The following LMBR1L variants were observed in gnomAD, a reference collection of about 807,000 sequenced individuals.
LMBR1L encodes limb development membrane protein 1 like.
LMBR1L carries 47 observed loss-of-function variants against 67.3 expected under a neutral mutation model. The observed-to-expected ratio is 0.70, with a 90% CI of 0.55 to 0.89. The LOEUF (loss-of-function observed/expected upper bound fraction) is 0.89, where lower values mean the gene tolerates loss of function less well. Among genes scored for constraint, LMBR1L ranks in the 40% least tolerant of loss-of-function variants. The probability of loss-of-function intolerance (pLI) is 0.00; values close to 1 mark genes in which losing one functional copy is unlikely to be tolerated. For synonymous variants in LMBR1L, 247 were observed against 250.3 expected (o/e 0.99, Z 0.13); for missense variants, 533 against 599.2 (o/e 0.89, Z 1.15).
At position 49,102,510 on chromosome 12, in the gene LMBR1L, A is replaced by G; in HGVS notation, c.727T>C (p.Cys243Arg). The change falls in exon 9 of 17, where the codon TGC becomes CGC. Residue 243 changes from cysteine to arginine, a missense_variant. Cys to Arg is a radical substitution (Grantham distance 180, BLOSUM62 -3). Transcript: ENST00000267102. ...AGGGCTGCCTCCTCAAAGGCTGAGCAGTACAGCTGCTCCTCCAGGTCTTCC... is the reference window on the plus strand; with the variant it reads ...AGGGCTGCCTCCTCAAAGGCTGAGCGGTACAGCTGCTCCTCCAGGTCTTCC... ...LLEDLEEQLY[C>R]SAFEEAALTR... 1.2e-6 allele frequency: 2 copies of G among 1,614,168 alleles called. No homozygotes were observed.
intron 15 of LMBR1L, among the ~76,000 whole-genome samples, chr12:49,098,482 C>G (rs184895017): frequency 2.0e-5 from 3 of 152,288 alleles, no homozygotes; most frequent in Admixed American, 2.0e-4. Context: ...TGCTTTGGTT[C>G]ATATCCCAAC....
Position 49,102,877 on chromosome 12 carries a change from T to A in LMBR1L, c.696+10A>T. 1 of 1,613,592 alleles carries A rather than the reference T, an allele frequency of 6.2e-7. No individual in the cohort carries two copies. The highest frequency in any genetic ancestry group is 8.5e-7 in the Non-Finnish European group (1 of 1,179,550). On this transcript the variant is annotated intron_variant, in intron 8 of 16. Coordinates refer to ENST00000267102, the MANE Select transcript of LMBR1L (RefSeq NM_018113.4). ...CCCTGCAGGATCAAAGAGCAAGGAA[T>A]ACCACATACCCGGGGCTTGACTAGC...
intron 3 of LMBR1L, 197 bp from the exon 4 acceptor site, chr12:49,105,082 G>A (rs929167937): frequency 6.7e-6 from 4 of 593,742 alleles, no homozygotes; most frequent in Non-Finnish European, 1.2e-5. Flanking sequence ...GGAAGCCCCA[G>A]CTCATGGGAT....
chr12:49,101,262 AC>A lies in LMBR1L; in HGVS notation c.1069del (p.Val357LeufsTer7), dbSNP rs774357681. ...KLGSFGAVIQVVLIFYLMVSS... is the reference protein window; with the variant it reads ...KLGSFGAVIQXVLIFYLMVSS... ...TCCAGAAGGATACAAGATGAGTACA[AC>A]CTGAATGACGGCACCAAAGGAGCCC... On this transcript the variant is annotated frameshift_variant, in exon 13 of 17. Coordinates refer to ENST00000267102, the MANE Select transcript of LMBR1L (RefSeq NM_018113.4). LOFTEE classifies it high-confidence loss of function. The A allele has an allele frequency of 3.3e-5, 53 of 1,614,140 alleles. No individual in the cohort carries two copies. The highest frequency in any genetic ancestry group is 4.0e-5 in the Non-Finnish European group (47 of 1,180,024).
rs779058769 is a variant in LMBR1L at position 49,097,636 on chromosome 12, G to A, written c.*36C>T. On this transcript the variant is annotated 3_prime_UTR_variant, in exon 17 of 17. Coordinates refer to ENST00000267102, the MANE Select transcript of LMBR1L (RefSeq NM_018113.4). ...CTCCAGGCCTAGGCAGCAGATGGCA[G>A]TGTCCAGTTTTTTCCTTCCCACCCC... 44 of 1,602,778 alleles carry A rather than the reference G, an allele frequency of 2.7e-5. 2 individuals are homozygous for A. The South Asian group carries it at 4.6e-4, about 17-fold the overall frequency.
intron 16 of LMBR1L, 95 bp from the exon 17 acceptor site, chr12:49,097,834 T>A: frequency 6.3e-7 from 1 of 1,597,584 alleles, no homozygotes; most frequent in East Asian, 2.2e-5. Flanking sequence ...ATGAGGTACG[T>A]TACCCACAAA....
At chr12:49,106,575 G>C in intron 2 of LMBR1L, 1 of 1,316,730 alleles carries the variant, frequency 7.6e-7, no homozygotes. Context: ...GAGGTCTCTG[G>C]TCCTGGCTGT....
At chr12:49,100,356 C>T in intron 15 of LMBR1L, 32 bp downstream of exon 15, 2 of 1,580,046 alleles carry the variant, frequency 1.3e-6, no homozygotes, top group South Asian at 1.1e-5. Flanking sequence ...CAAAAAAATC[C>T]AATTCCTTTA....
chr12:49,110,603 G>C lies in LMBR1L; in HGVS notation c.-48C>G, dbSNP rs370248735. On this transcript the variant is annotated 5_prime_UTR_variant, in exon 1 of 17. Coordinates refer to ENST00000267102, the MANE Select transcript of LMBR1L (RefSeq NM_018113.4). ...CCGAGGTGCCTCTGGGCCCGGGGAG[G>C]ACGAGCGGGGAGGAAGCCGCCGCCG... 1.9e-6 allele frequency: 3 copies of C among 1,568,782 alleles called. No homozygotes were observed. Among genetic ancestry groups the C allele is most frequent in the Non-Finnish European group, 2.6e-6 (3 of 1,139,714 alleles).
rs1315722794 is a variant in LMBR1L, at chr12:49,102,541, C to G, written c.697-1G>C. 2 of 1,614,036 alleles carry G rather than the reference C, an allele frequency of 1.2e-6. No homozygotes were observed. Among genetic ancestry groups the G allele is most frequent in the South Asian group, 2.2e-5 (2 of 91,082 alleles). ...GCTGCTCCTCCAGGTCTTCCAGCAGCTAGGGGCAGGGGAAAGGAAGAGACT... is the reference window on the plus strand; with the variant it reads ...GCTGCTCCTCCAGGTCTTCCAGCAGGTAGGGGCAGGGGAAAGGAAGAGACT... On this transcript the variant is annotated splice_acceptor_variant, in intron 8 of 16. Transcript: ENST00000267102. LOFTEE classifies it high-confidence loss of function.
chr12:49,098,612 A>G lies in LMBR1L; in HGVS notation c.1241-507T>C, dbSNP rs532194158. On this transcript the variant is annotated intron_variant, in intron 15 of 16. Transcript: ENST00000267102. ...ACTGTCTGTGCCAGGCACTATTCTA[A>G]CATTTACTGGTCCCCTCATAATATT... is the stretch of plus-strand genomic sequence containing the variant. 4.6e-5 allele frequency among the ~76,000 whole-genome samples: 7 copies of G among 152,246 alleles called. No individual in the cohort carries two copies. In the East Asian group the frequency reaches 1.2e-3, roughly 25 times the overall value.
At chr12:49,097,768 G>T (rs760171023) in intron 16 of LMBR1L, 29 bp from the exon 17 acceptor site, 5 of 1,613,798 alleles carry the variant, frequency 3.1e-6, no homozygotes, top group Non-Finnish European at 4.2e-6. Flanking sequence ...GCAGTCAAAA[G>T]CAAGTCAAAG....
chr12:49,110,492 C>T lies in LMBR1L; in HGVS notation c.64G>A (p.Glu22Lys), dbSNP rs750868534. ...CGGGGCCCCGCACTCACAATACACTCGCGGATCCTCTCGTGGAATAGCTGT... is the reference window on the plus strand; with the variant it reads ...CGGGGCCCCGCACTCACAATACACTTGCGGATCCTCTCGTGGAATAGCTGT... Reference protein sequence around the residue: ...REQLFHERIRECIISTLLFAT... With the variant: ...REQLFHERIRKCIISTLLFAT... Residue 22 changes from glutamate to lysine, a missense_variant, in exon 1 of 17, where the codon GAG becomes AAG. This residue lies in a region of LMBR1L where 246 missense variants were observed against 249.0 expected (regional missense o/e 0.99). Transcript: ENST00000267102. The T allele has an allele frequency of 1.2e-6, 2 of 1,613,994 alleles. No homozygotes were observed. Among genetic ancestry groups the T allele is most frequent in the Non-Finnish European group, 1.7e-6 (2 of 1,179,946 alleles).
rs188976051 is a variant in LMBR1L, at chr12:49,102,125, G to A, written c.925C>T (p.Leu309=). 1 of 1,613,908 alleles carries A rather than the reference G, an allele frequency of 6.2e-7. No homozygotes were observed. The highest frequency in any genetic ancestry group is 8.5e-7 in the Non-Finnish European group (1 of 1,179,786). Residue 309 remains leucine, a synonymous_variant, in exon 11 of 17, where the codon CTG becomes TTG. Transcript: ENST00000267102. ...YPLAMLCLLV[L]TGLSVLIVAI... is the part of the protein sequence containing the mutation. ...TCTAGGGCTGGTATACCTACCGTCA[G>A]CACCAGCAAGCACAGCATAGCCAGG...
At position 49,107,255 on chromosome 12, in the gene LMBR1L, G is replaced by T. The variant is rs369986092; in HGVS notation, c.73-210C>A. On this transcript the variant is annotated intron_variant, in intron 1 of 16. Transcript: ENST00000267102. ...GGGCCTCAAAGAAGGGCCAGACAGG[G>T]GCTGCCCCATGCACCTGGGGAAACA... 7.2e-5 allele frequency among the ~76,000 whole-genome samples: 11 copies of T among 152,302 alleles called. No homozygotes were observed. In the East Asian group the frequency reaches 1.9e-3, roughly 27 times the overall value.
chr12:49,104,901 G>A lies in LMBR1L; in HGVS notation c.192-16C>T. 6.2e-7 allele frequency: 1 copy of A among 1,605,188 alleles called. No individual in the cohort carries two copies. Among genetic ancestry groups the A allele is most frequent in the Non-Finnish European group, 8.5e-7 (1 of 1,176,456 alleles). On this transcript the variant is annotated splice_polypyrimidine_tract_variant and intron_variant, in intron 3 of 16. Coordinates refer to ENST00000267102, the MANE Select transcript of LMBR1L (RefSeq NM_018113.4). ...CAGCTCGAGCCTGGGCAGAGAAGGG[G>A]ACAGTGTCCTTGCTTAGCTCAGCAC...
chr12:49,103,658 T>C (rs1043094975), intron 6 of LMBR1L, 29 bp downstream of exon 6: 9 of 1,596,488 alleles, frequency 5.6e-6, no homozygotes, highest in African/African-American at 2.7e-5. Context: ...TGAAAAGCCA[T>C]GCAGCCTGGA....
intron 11 of LMBR1L, chr12:49,101,795 T>C: frequency 1.7e-6 from 1 of 580,766 alleles, no homozygotes. Flanking sequence ...CTCTCTTCCT[T>C]CAACTGATGA....
Position 49,103,124 on chromosome 12 carries a change from A to G in LMBR1L, c.598T>C (p.Cys200Arg). 6.2e-7 allele frequency: 1 copy of G among 1,614,114 alleles called. No homozygotes were observed. Among genetic ancestry groups the G allele is most frequent in the African/African-American group, 1.3e-5 (1 of 75,032 alleles). ...WEYYLPYLYS[C>R]ISFLGVLLLL... is the part of the protein sequence containing the mutation. ...AGCAGAACCCCAAGGAAGGAGATGC[A>G]TGAGTAGAGGTAGGGGAGATAGTAC... The change falls in exon 7 of 17, where the codon TGC (cysteine) becomes CGC (arginine). Residue 200 changes from cysteine to arginine, a missense_variant. By Grantham distance (180) the Cys-to-Arg change is radical (BLOSUM62 -3). Around this residue, in one of 3 missense-constraint regions of LMBR1L, gnomAD observed 246 missense variants for 249.0 expected, o/e 0.99. Coordinates refer to ENST00000267102, the MANE Select transcript of LMBR1L (RefSeq NM_018113.4).
Sources: gnomAD v4.1 joint callset for allele counts (sites outside exome capture counted in the v4.1 genomes callset) on GRCh38, gnomAD v4.1.1 for gene constraint, gnomAD v4.1.1 regional missense constraint, MANE v1.5 for transcripts, NCBI Gene and HGNC (gene_info 2026-07-23, HGNC 2026-07-21) for gene names.